CCDC141: variants seen among roughly 807,000 people sequenced by gnomAD.
The protein encoded by CCDC141 is coiled-coil domain-containing protein 141.
CCDC141 carries 168 observed loss-of-function variants against 181.0 expected under a neutral mutation model. That is an observed-to-expected ratio of 0.93 (90% confidence interval 0.82 to 1.05). The LOEUF (loss-of-function observed/expected upper bound fraction) is 1.05. Ranked by LOEUF, CCDC141 falls within the 50% of genes least tolerant of loss-of-function variation. CCDC141 has a pLI of 0.00. For synonymous variants in CCDC141, 666 were observed against 642.3 expected, an observed-to-expected ratio of 1.04 and a Z score of -0.56; for missense variants, 1,902 against 1,788.5, an observed-to-expected ratio of 1.06 and a Z score of -1.14.
At chr2:178,846,924 G>A (rs1465104634) in intron 21 of CCDC141, among the ~76,000 whole-genome samples, 1 of 152,108 alleles carries the variant, frequency 6.6e-6, no homozygotes, top group African/African-American at 2.4e-5. Flanking sequence ...GAATTGCTGA[G>A]CCCATTTTCT....
chr2:178,943,531 G>T (rs929183402), intron 6 of CCDC141, among the ~76,000 whole-genome samples: 2 of 152,086 alleles, frequency 1.3e-5, no homozygotes, highest in African/African-American at 4.8e-5. Flanking sequence ...TATTTGACTT[G>T]TCTAGCCTGT....
intron 6 of CCDC141, among the ~76,000 whole-genome samples, chr2:178,922,496 A>G (rs994782331): frequency 3.3e-5 from 5 of 152,208 alleles, no homozygotes. Context: ...AAACTTCCAC[A>G]TGGCCTGGAC....
At chr2:179,012,739 C>T (rs2042306119) in intron 2 of CCDC141, among the ~76,000 whole-genome samples, 2 of 152,012 alleles carry the variant, frequency 1.3e-5, no homozygotes, top group Non-Finnish European at 2.9e-5. Flanking sequence ...TAACCGAATC[C>T]AACAACATAT....
intron 4 of CCDC141, among the ~76,000 whole-genome samples, chr2:178,967,836 G>A (rs1056165456): frequency 2.6e-5 from 4 of 152,048 alleles, no homozygotes; most frequent in African/African-American, 9.7e-5. Context: ...GCTGTATTCA[G>A]GAAACCCATC....
chr2:178,959,901 A>T (rs1690322056), intron 5 of CCDC141, among the ~76,000 whole-genome samples: 1 of 152,148 alleles, frequency 6.6e-6, no homozygotes, highest in Non-Finnish European at 1.5e-5. Flanking sequence ...ACCTTATTCG[A>T]TTTCATCATC....
chr2:178,873,209 C>T (rs1391405545), intron 12 of CCDC141: 2 of 151,936 alleles, frequency 1.3e-5, no homozygotes, highest in Non-Finnish European at 2.9e-5. Flanking sequence ...TAAAGATAGG[C>T]CATTTTATTT....
chr2:178,958,147 A>G (rs1353558245), intron 5 of CCDC141, among the ~76,000 whole-genome samples: 1 of 152,234 alleles, frequency 6.6e-6, no homozygotes, highest in Non-Finnish European at 1.5e-5. Flanking sequence ...GGAGCAATGA[A>G]GAAGCAGAGC....
chr2:178,888,370 A>G (rs1026075022), intron 9 of CCDC141, among the ~76,000 whole-genome samples, 157 bp downstream of exon 9: 1 of 152,190 alleles, frequency 6.6e-6, no homozygotes, highest in African/African-American at 2.4e-5. Flanking sequence ...ACAACAGTGA[A>G]TTACAACTCT....
At chr2:178,985,770 G>T (rs1442719705) in intron 2 of CCDC141, among the ~76,000 whole-genome samples, 1 of 152,232 alleles carries the variant, frequency 6.6e-6, no homozygotes, top group East Asian at 1.9e-4. Flanking sequence ...AAACCAGGAA[G>T]AAGTTGAATC....
At chr2:178,884,129 A>G (rs1558953144) in intron 11 of CCDC141, among the ~76,000 whole-genome samples, 1 of 151,906 alleles carries the variant, frequency 6.6e-6, no homozygotes, top group African/African-American at 2.4e-5. Flanking sequence ...CAATATAACC[A>G]GTTTGTTTAT....
chr2:178,948,823 T>C (rs926976458), intron 5 of CCDC141, among the ~76,000 whole-genome samples: 3 of 152,310 alleles, frequency 2.0e-5, no homozygotes, highest in South Asian at 2.1e-4. Context: ...CCTTCCGCCA[T>C]GGGTGAAAGC....
chr2:178,932,259 A>G (rs752236667), intron 6 of CCDC141, among the ~76,000 whole-genome samples: 2 of 152,222 alleles, frequency 1.3e-5, no homozygotes, highest in African/African-American at 2.4e-5. Flanking sequence ...ATTAGGTACA[A>G]TTGTTACCCC....
chr2:178,850,626 C>T (rs528348139), intron 20 of CCDC141, among the ~76,000 whole-genome samples: 1 of 151,802 alleles, frequency 6.6e-6, no homozygotes, highest in South Asian at 2.1e-4. Flanking sequence ...CACACAGCAG[C>T]TGAGTATTCC....
At chr2:178,888,382 T>C (rs951897336) in intron 9 of CCDC141, 145 bp downstream of exon 9, 57 of 723,796 alleles carry the variant, frequency 7.9e-5, no homozygotes, top group Non-Finnish European at 1.3e-4. Context: ...TACAACTCTG[T>C]TTAGTTCAAT....
rs1188128637 is a variant in CCDC141, at chr2:178,918,553, C to G, written c.1092+160G>C. 6.6e-5 allele frequency among the ~76,000 whole-genome samples: 10 copies of G among 152,108 alleles called. No individual in the cohort carries two copies. The East Asian group carries it at 1.7e-3, about 26-fold the overall frequency. On this transcript the variant is annotated intron_variant, in intron 7 of 23. Coordinates refer to ENST00000443758, the MANE Select transcript of CCDC141 (RefSeq NM_173648.4). ...TTCAGTTTTGAGAATCAAATAATGG[C>G]CATAATAGGAATATATGTTAAAAGC...
rs1686220052 is a variant in CCDC141, at chr2:178,873,632, G to A, written c.1900-1320C>T. The A allele has an allele frequency of 3.9e-5, 6 of 152,198 alleles. 1 individual carries two copies. Among genetic ancestry groups the A allele is most frequent in the Admixed American group, 3.9e-4 (6 of 15,276 alleles). 9.4% of individuals were successfully genotyped at this position (152,198 alleles called of 1,614,324 possible). Reference sequence around the variant, plus strand: ...GAGAGCTAAAGTAGGATTTGTAGATGTCTAGCTAGTAGGATCTGTGAAAAG... The same window carrying A: ...GAGAGCTAAAGTAGGATTTGTAGATATCTAGCTAGTAGGATCTGTGAAAAG... On this transcript the variant is annotated intron_variant, in intron 12 of 23. Transcript: ENST00000443758.
intron 2 of CCDC141, among the ~76,000 whole-genome samples, chr2:179,000,362 A>G (rs1336055317): frequency 6.6e-6 from 1 of 152,184 alleles, no homozygotes; most frequent in Non-Finnish European, 1.5e-5. Flanking sequence ...TCACAATACA[A>G]CAGCCTAGTC....
intron 11 of CCDC141, among the ~76,000 whole-genome samples, chr2:178,882,129 T>C (rs928577721): frequency 6.6e-6 from 1 of 152,024 alleles, no homozygotes; most frequent in Non-Finnish European, 1.5e-5. Context: ...CCTAGCACTT[T>C]GAAAGGCCAA....
intron 2 of CCDC141, among the ~76,000 whole-genome samples, chr2:179,014,866 T>A (rs2042380218): frequency 6.6e-6 from 1 of 151,608 alleles, no homozygotes; most frequent in South Asian, 2.1e-4. Context: ...AGTGTGGAGT[T>A]TCCTTAAAGA....
Sources: gnomAD v4.1 joint callset for allele counts (sites outside exome capture counted in the v4.1 genomes callset) on GRCh38, gnomAD v4.1.1 for gene constraint, MANE v1.5 for transcripts, NCBI Gene and HGNC (gene_info 2026-07-23, HGNC 2026-07-21) for gene names.